Variants in PATZ1 observed in about 807,000 individuals in gnomAD.
The protein encoded by PATZ1 is POZ-, AT hook-, and zinc finger-containing protein 1.
Under a neutral mutation model 46.2 loss-of-function variants are expected in PATZ1, and 9 were observed. That is an observed-to-expected ratio of 0.19 (90% CI 0.12 to 0.34). The LOEUF (loss-of-function observed/expected upper bound fraction) is 0.34. Ranked by LOEUF, PATZ1 falls within the 10% of genes least tolerant of loss-of-function variation. PATZ1 has a pLI of 1.00. For missense variants in PATZ1, 632 were observed against 923.0 expected (o/e 0.68, Z 4.08); for synonymous variants, 426 against 378.6 (o/e 1.13, Z -1.45).
chr22:31,333,155 A>G (rs185198969), intron 3 of PATZ1, among the ~76,000 whole-genome samples: 1 of 152,308 alleles, frequency 6.6e-6, no homozygotes, highest in Admixed American at 6.5e-5. Context: ...CCTCTTTGCC[A>G]TTCTTCACAG....
chr22:31,326,680 T>A lies in PATZ1; in HGVS notation c.*211A>T, dbSNP rs552870719. ...TGCCCCTGTCCCATACCAAGTCTCA[T>A]TGATATTTCTGCAGAATATCAGATG... On this transcript the variant is annotated 3_prime_UTR_variant, in exon 5 of 5. Coordinates refer to ENST00000266269, the MANE Select transcript of PATZ1 (RefSeq NM_014323.3). 3 of 560,522 alleles carry A rather than the reference T, an allele frequency of 5.4e-6. No homozygotes were observed. The African/African-American group carries it at 5.6e-5, about 11-fold the overall frequency. 34.7% of individuals were successfully genotyped at this position (560,522 alleles called of 1,614,324 possible). A position where few individuals can be genotyped will look rare whatever the true frequency, so the allele number is the denominator to read the frequency against.
chr22:31,341,326 C>G lies in PATZ1; in HGVS notation c.1335+1571G>C, dbSNP rs543360725. 6.0e-6 allele frequency: 9 copies of G among 1,497,168 alleles called. No homozygotes were observed. The East Asian group carries it at 2.1e-4, about 34-fold the overall frequency. The allele number at this position is 1,497,168 out of a possible 1,614,324, so 92.7% of individuals were successfully genotyped here. A position where few individuals can be genotyped will look rare whatever the true frequency, so the allele number is the denominator to read the frequency against. ...GCTGGGCAGGAACCACCCTGCTAGC[C>G]TCTCCCAAAAGCAGGGGTCTCAGGC... On this transcript the variant is annotated intron_variant, in intron 2 of 4. Transcript: ENST00000266269.
At chr22:31,333,432 A>G (rs1175313711) in intron 3 of PATZ1, among the ~76,000 whole-genome samples, 1 of 150,394 alleles carries the variant, frequency 6.6e-6, no homozygotes, top group Non-Finnish European at 1.5e-5. Context: ...TTTGATTCCA[A>G]TGTCTCAATG....
chr22:31,334,925 G>A (rs1201849357), intron 3 of PATZ1, among the ~76,000 whole-genome samples: 5 of 152,176 alleles, frequency 3.3e-5, no homozygotes, highest in Non-Finnish European at 7.4e-5. Flanking sequence ...GCATCCTCAC[G>A]TTCACAGATA....
intron 3 of PATZ1, among the ~76,000 whole-genome samples, chr22:31,330,600 C>T (rs929652578): frequency 1.3e-5 from 2 of 152,220 alleles, no homozygotes; most frequent in African/African-American, 4.8e-5. Flanking sequence ...GCCACCAGAA[C>T]TTGGCCCTTA....
chr22:31,337,104 C>T (rs546422062), intron 2 of PATZ1, among the ~76,000 whole-genome samples: 4 of 151,632 alleles, frequency 2.6e-5, no homozygotes, highest in South Asian at 4.2e-4. Flanking sequence ...AGCAAGACTC[C>T]GTCTCAAAAA....
At chr22:31,335,979 A>G in intron 2 of PATZ1, 116 bp from the exon 3 acceptor site, 1 of 912,400 alleles carries the variant, frequency 1.1e-6, no homozygotes, top group Non-Finnish European at 1.7e-6. Flanking sequence ...CTCCCTTTAT[A>G]AAGACAGCTT....
Position 31,328,880 on chromosome 22 carries a change from G to C in PATZ1, c.1552C>G (p.His518Asp), listed in dbSNP as rs1176170019. ...GAGACCTGGGGAAGGGGAACACCGT[G>C]GTGGGTTTTAACATGGACCTTTAAG... is the stretch of plus-strand genomic sequence containing the variant. ...SYLKVHVKTH[H>D]GVPLPQVSRH... is the part of the protein sequence containing the mutation. Residue 518 changes from histidine (H) to aspartate (D), a missense_variant, in exon 4 of 5, where the codon CAC becomes GAC. This residue lies in a region of PATZ1 where 176 missense variants were observed against 249.4 expected (regional missense o/e 0.71). Coordinates refer to ENST00000266269, the MANE Select transcript of PATZ1 (RefSeq NM_014323.3). The surrounding 1 kb of genome is among the most constrained non-coding windows in gnomAD (Gnocchi z 4.8). 16 of 1,613,916 alleles carry C rather than the reference G, an allele frequency of 9.9e-6. No individual in the cohort carries two copies. The highest frequency in any genetic ancestry group is 1.4e-5 in the Non-Finnish European group (16 of 1,179,918).
At position 31,344,835 on chromosome 22, in the gene PATZ1, G is replaced by A. The variant is rs1160264811; in HGVS notation, c.768C>T (p.Ser256=). 1 of 1,612,076 alleles carries A rather than the reference G, an allele frequency of 6.2e-7. No homozygotes were observed. Among genetic ancestry groups the A allele is most frequent in the Admixed American group, 1.7e-5 (1 of 59,956 alleles). ...GCTTGCCAGTCAGGGGAGGGGCACT[G>A]GATGCCACACTGGGGAATGGGGAAG... ...LLTSPFPSVA[S]SAPPLTGKRG... is the part of the protein sequence containing the mutation. The change falls in exon 1 of 5, where the codon TCC becomes TCT. Residue 256 remains serine (S), a synonymous_variant. Coordinates refer to ENST00000266269, the MANE Select transcript of PATZ1 (RefSeq NM_014323.3).
In PATZ1 at chr22:31,345,331, G is replaced by C. The variant is rs746295130; in HGVS notation, c.272C>G (p.Thr91Arg). Residue 91 changes from threonine (T) to arginine (R), a missense_variant, in exon 1 of 5, where the codon ACG becomes AGG. Thr to Arg is a moderately conservative substitution (Grantham distance 71). Transcript: ENST00000266269. The surrounding 1 kb of genome is among the most constrained non-coding windows in gnomAD (Gnocchi z 7.4). ...CCCGGCCCCGCCGCCTGGTGCTGCC[G>C]TCGCGCCCCCTACATCAGCCGGACC... ...DGGPADVGGA[T>R]AAPGGGAGGS... 2.5e-6 allele frequency: 4 copies of C among 1,609,574 alleles called. No homozygotes were observed. Among genetic ancestry groups the C allele is most frequent in the Non-Finnish European group, 3.4e-6 (4 of 1,177,470 alleles).
intron 2 of PATZ1, among the ~76,000 whole-genome samples, chr22:31,336,481 A>C (rs954055542): frequency 6.6e-6 from 1 of 152,128 alleles, no homozygotes; most frequent in African/African-American, 2.4e-5. Context: ...CGACATGAGA[A>C]TTAGCAGACA....
At position 31,344,981 on chromosome 22, in the gene PATZ1, G is replaced by C. The variant is rs752814411; in HGVS notation, c.622C>G (p.Pro208Ala). Residue 208 changes from proline (P) to alanine (A), a missense_variant, in exon 1 of 5, where the codon CCA (proline) becomes GCA (alanine). Physicochemically the swap from Pro to Ala is conservative, Grantham distance 27. This residue lies in a region of PATZ1 where 279 missense variants were observed against 284.3 expected (regional missense o/e 0.98). Transcript: ENST00000266269. ...NSNGIAGSMQ[P>A]EEEAARAAGA... is the part of the protein sequence containing the mutation. The stretch of plus-strand genomic sequence containing the variant: ...GCCGCCCGAGCTGCCTCCTCCTCTG[G>C]CTGCATGCTGCCGGCGATGCCATTG... 4.3e-6 allele frequency: 7 copies of C among 1,613,884 alleles called. No individual in the cohort carries two copies. In the African/African-American group the frequency reaches 8.0e-5, roughly 18 times the overall value.
In PATZ1 at chr22:31,335,767, G is replaced by T. The variant is rs768984900; in HGVS notation, c.1432C>A (p.Arg478=). 2.5e-6 allele frequency: 4 copies of T among 1,614,148 alleles called. No individual in the cohort carries two copies. The highest frequency in any genetic ancestry group is 2.5e-6 in the Non-Finnish European group (3 of 1,180,030). ...AGGTGGTCTGCCATGTATGCTGCCC[G>T]CAAGTACTTCCCACACACCTGGCAG... ...VPCQVCGKYL[R]AAYMADHLKK... The change falls in exon 3 of 5, where the codon CGG becomes AGG. Residue 478 remains arginine, a synonymous_variant. Coordinates refer to ENST00000266269, the MANE Select transcript of PATZ1 (RefSeq NM_014323.3).
Position 31,327,196 on chromosome 22 carries a change from AG to A in PATZ1, c.1758del (p.Ser587ProfsTer34). ...TTTTTGGGGACTGCCATGTCGCAGG[AG>A]AAAGAGCCATTGGCACTCTGCTTCT... The part of the protein sequence containing the change: ...TPEKQSANGS[F>X]SCDMAVPKNK... On this transcript the variant is annotated frameshift_variant, in exon 5 of 5. Transcript: ENST00000266269. LOFTEE classifies it high-confidence loss of function. This position sits in a 1 kb window ranked among gnomAD's most constrained non-coding sequence, Gnocchi z 4.2. 6.2e-7 allele frequency: 1 copy of A among 1,614,236 alleles called. No individual in the cohort carries two copies. Among genetic ancestry groups the A allele is most frequent in the Non-Finnish European group, 8.5e-7 (1 of 1,180,038 alleles).
chr22:31,337,363 C>T (rs554007483), intron 2 of PATZ1, among the ~76,000 whole-genome samples: 1 of 152,116 alleles, frequency 6.6e-6, no homozygotes, highest in Non-Finnish European at 1.5e-5. Context: ...GCCAGGCCCC[C>T]GGGGTTGGAT....
intron 2 of PATZ1, chr22:31,337,771 C>G (rs1293876908): frequency 6.6e-6 from 1 of 152,218 alleles, no homozygotes; most frequent in African/African-American, 2.4e-5. Context: ...CCTCTGCCAT[C>G]TCTCTTTAAC....
At chr22:31,343,376 G>T in intron 1 of PATZ1, 1 of 987,770 alleles carries the variant, frequency 1.0e-6, no homozygotes, top group Non-Finnish European at 1.2e-6. Flanking sequence ...AGCCTCTCCC[G>T]CCACGGGCAG....
At chr22:31,338,667 G>A (rs928687191) in intron 2 of PATZ1, among the ~76,000 whole-genome samples, 7 of 152,198 alleles carry the variant, frequency 4.6e-5, no homozygotes, top group African/African-American at 1.7e-4. Flanking sequence ...TTGCCAGGCA[G>A]CGACCCAAAG....
At position 31,327,221 on chromosome 22, in the gene PATZ1, C is replaced by T; in HGVS notation, c.1734G>A (p.Glu578=). The T allele has an allele frequency of 6.2e-7, 1 of 1,614,214 alleles. No individual in the cohort carries two copies. Among genetic ancestry groups the T allele is most frequent in the Non-Finnish European group, 8.5e-7 (1 of 1,180,028 alleles). The change falls in exon 5 of 5, where the codon GAG becomes GAA. Residue 578 remains glutamate, a synonymous_variant. Transcript: ENST00000266269. This position sits in a 1 kb window ranked among gnomAD's most constrained non-coding sequence, Gnocchi z 4.2. Reference sequence around the variant, plus strand: ...AGAAAGAGCCATTGGCACTCTGCTTCTCTGGCGTCTTCAGGTCGCTGGCAT... The same window carrying T: ...AGAAAGAGCCATTGGCACTCTGCTTTTCTGGCGTCTTCAGGTCGCTGGCAT... The part of the protein sequence containing the change: ...LSDASDLKTP[E]KQSANGSFSC...
Sources: gnomAD v4.1 joint callset for allele counts (sites outside exome capture counted in the v4.1 genomes callset) on GRCh38, gnomAD v4.1.1 for gene constraint, gnomAD v4.1.1 regional missense constraint, Gnocchi (gnomAD v3.1) non-coding constraint, MANE v1.5 for transcripts, NCBI Gene and HGNC (gene_info 2026-07-23, HGNC 2026-07-21) for gene names.